PGBD2: variants seen among roughly 807,000 people sequenced by gnomAD.
PGBD2 encodes the protein piggyBac transposable element derived 2, also known as piggyBac transposable element-derived protein 2.
PGBD2 carries 6 observed loss-of-function variants against 8.1 expected under a neutral mutation model. The observed-to-expected ratio is 0.74, with a 90% CI of 0.40 to 1.46. PGBD2 has a LOEUF of 1.46. Among genes scored for constraint, PGBD2 ranks in the 40% most tolerant of loss-of-function variants. The pLI, the probability that PGBD2 is intolerant of heterozygous loss-of-function variation, is 0.02. For missense variants in PGBD2, 802 were observed against 739.0 expected, an observed-to-expected ratio of 1.09 and a Z score of -0.99; for synonymous variants, 318 against 272.2, an observed-to-expected ratio of 1.17 and a Z score of -1.66.
the PGBD2 span, among the ~76,000 whole-genome samples, chr1:248,889,406 T>C: frequency 6.6e-6 from 1 of 151,896 alleles, no homozygotes; most frequent in Non-Finnish European, 1.5e-5. Context: ...AATAAATAAA[T>C]AAATAAATAA....
downstream of PGBD2, among the ~76,000 whole-genome samples, chr1:248,924,196 C>G (rs1662341189): frequency 1.3e-5 from 2 of 152,226 alleles, no homozygotes; most frequent in South Asian, 4.1e-4. Context: ...TCTCCCAGGT[C>G]TTGCTGGAGG....
chr1:248,895,518 A>G, the PGBD2 span, among the ~76,000 whole-genome samples: 1 of 152,038 alleles, frequency 6.6e-6, no homozygotes, highest in African/African-American at 2.4e-5. Flanking sequence ...AAGGAATTAA[A>G]TATCTTAATG....
At position 248,918,272 on chromosome 1, in the gene PGBD2, G is replaced by A. The variant is rs908686305; in HGVS notation, c.1688G>A (p.Cys563Tyr). 9.9e-6 allele frequency: 16 copies of A among 1,610,436 alleles called. No individual in the cohort carries two copies. The highest frequency in any genetic ancestry group is 1.4e-5 in the Non-Finnish European group (16 of 1,178,062). ...ATCCATCAGGACAAGAGGACCCGGTGTGCCCTCTGCCACTCACAGACCAAC... is the reference window on the plus strand; with the variant it reads ...ATCCATCAGGACAAGAGGACCCGGTATGCCCTCTGCCACTCACAGACCAAC... Reference protein sequence around the residue: ...WIIHQDKRTRCALCHSQTNTR... With the variant: ...WIIHQDKRTRYALCHSQTNTR... Residue 563 changes from cysteine (C) to tyrosine (Y), a missense_variant, in exon 3 of 3, where the codon TGT (cysteine) becomes TAT (tyrosine). Cys to Tyr is a radical substitution (Grantham distance 194, BLOSUM62 -2). Coordinates refer to ENST00000329291, the MANE Select transcript of PGBD2 (RefSeq NM_170725.3).
downstream of PGBD2, among the ~76,000 whole-genome samples, chr1:248,923,753 G>A (rs1330730534): frequency 1.3e-5 from 2 of 152,204 alleles, no homozygotes; most frequent in Non-Finnish European, 2.9e-5. Flanking sequence ...CCAAGATGCA[G>A]GACTTTGCAT....
intron 2 of PGBD2, 57 bp downstream of exon 2, chr1:248,913,936 G>T: frequency 7.0e-7 from 1 of 1,423,552 alleles, no homozygotes; most frequent in East Asian, 2.3e-5. Context: ...CTATGCTTTT[G>T]AAAGGCCAGG....
downstream of PGBD2, among the ~76,000 whole-genome samples, chr1:248,920,758 T>A (rs1470357275): frequency 6.6e-6 from 1 of 152,198 alleles, no homozygotes; most frequent in Non-Finnish European, 1.5e-5. Context: ...ACGGTCCCAC[T>A]AACAGTGTAA....
chr1:248,929,975 T>C, the PGBD2 span, among the ~76,000 whole-genome samples: 1 of 152,166 alleles, frequency 6.6e-6, no homozygotes, highest in Non-Finnish European at 1.5e-5. Context: ...GACCAGAGTT[T>C]CGTTGTCCTT....
chr1:248,925,011 C>CTT, the PGBD2 span, among the ~76,000 whole-genome samples: 2 of 149,342 alleles, frequency 1.3e-5, no homozygotes, highest in African/African-American at 4.9e-5. Flanking sequence ...TAACGGAGGG[C>CTT]TTTTTTTTTT....
At chr1:248,901,804 C>T (rs539630276), upstream of PGBD2, among the ~76,000 whole-genome samples, 2 of 152,194 alleles carry the variant, frequency 1.3e-5, no homozygotes, top group Non-Finnish European at 2.9e-5. Flanking sequence ...AAACCACAAA[C>T]CATCATCAGA....
downstream of PGBD2, among the ~76,000 whole-genome samples, chr1:248,924,711 T>C (rs1269919740): frequency 6.6e-6 from 1 of 152,244 alleles, no homozygotes; most frequent in Non-Finnish European, 1.5e-5. Context: ...ATTTTGTTTC[T>C]GTCTCTTTAA....
At chr1:248,887,035 G>A in the PGBD2 span, among the ~76,000 whole-genome samples, 1 of 152,094 alleles carries the variant, frequency 6.6e-6, no homozygotes, top group African/African-American at 2.4e-5. Flanking sequence ...GCATGCATAT[G>A]TATATGTATT....
At chr1:248,913,999 T>C in intron 2 of PGBD2, 120 bp downstream of exon 2, 2 of 876,444 alleles carry the variant, frequency 2.3e-6, no homozygotes, top group Non-Finnish European at 3.9e-6. Context: ...GTCCAGGAAG[T>C]ATAAAGGAAG....
the PGBD2 span, among the ~76,000 whole-genome samples, chr1:248,890,927 A>C: frequency 6.8e-6 from 1 of 147,968 alleles, no homozygotes; most frequent in African/African-American, 2.5e-5. Flanking sequence ...CACACACCAC[A>C]CCTCCCCACC....
chr1:248,888,729 G>A, the PGBD2 span, among the ~76,000 whole-genome samples: 1 of 152,118 alleles, frequency 6.6e-6, no homozygotes, highest in African/African-American at 2.4e-5. Context: ...CTGTGCAGAA[G>A]CTCTTTAGTT....
At chr1:248,915,244 A>G (rs1333109570) in intron 2 of PGBD2, among the ~76,000 whole-genome samples, 1 of 152,242 alleles carries the variant, frequency 6.6e-6, no homozygotes, top group African/African-American at 2.4e-5. Flanking sequence ...GCCCCTGGGC[A>G]GCACCTGCTC....
At chr1:248,875,702 C>T in the PGBD2 span, among the ~76,000 whole-genome samples, 1 of 152,106 alleles carries the variant, frequency 6.6e-6, no homozygotes, top group Non-Finnish European at 1.5e-5. Flanking sequence ...TTCAGATCTC[C>T]AGGCCAAGGC....
the PGBD2 span, among the ~76,000 whole-genome samples, chr1:248,875,941 C>T: frequency 6.6e-6 from 1 of 151,382 alleles, no homozygotes; most frequent in Non-Finnish European, 1.5e-5. Context: ...CTGTTTGTCA[C>T]ATCCTTGTTC....
At chr1:248,911,198 G>A (rs916242354) in intron 1 of PGBD2, among the ~76,000 whole-genome samples, 8 of 151,708 alleles carry the variant, frequency 5.3e-5, no homozygotes, top group African/African-American at 1.7e-4. Flanking sequence ...GATAATAGTG[G>A]AGGGAAGGTC....
intron 1 of PGBD2, among the ~76,000 whole-genome samples, chr1:248,908,327 A>C (rs1661732174): frequency 6.6e-6 from 1 of 152,094 alleles, no homozygotes; most frequent in Non-Finnish European, 1.5e-5. Context: ...TCAGTTGAGA[A>C]TGCCCAGTTG....
Sources: gnomAD v4.1 joint callset for allele counts (sites outside exome capture counted in the v4.1 genomes callset) on GRCh38, gnomAD v4.1.1 for gene constraint, MANE v1.5 for transcripts, NCBI Gene and HGNC (gene_info 2026-07-23, HGNC 2026-07-21) for gene names.